Variants in PGS1 observed in about 807,000 individuals in gnomAD.
PGS1 encodes phosphatidylglycerophosphate synthase 1.
In PGS1, 44 loss-of-function variants were observed where a neutral mutation model predicts 58.3. The observed-to-expected ratio is 0.75, with a 90% confidence interval of 0.59 to 0.97. PGS1 has a LOEUF of 0.97. Ranked by LOEUF, PGS1 falls within the 50% of genes least tolerant of loss-of-function variation. The probability of loss-of-function intolerance (pLI) is 0.00; values close to 1 mark genes in which losing one functional copy is unlikely to be tolerated. For missense variants in PGS1, 684 were observed against 731.1 expected (o/e 0.94, Z 0.74); for synonymous variants, 330 against 311.0 (o/e 1.06, Z -0.64).
intron 1 of PGS1, among the ~76,000 whole-genome samples, chr17:78,382,967 G>A (rs1006497876): frequency 9.2e-5 from 14 of 152,112 alleles, no homozygotes; most frequent in African/African-American, 3.1e-4. Flanking sequence ...TTGTTACTTG[G>A]AGTAGATGAG....
chr17:78,394,206 A>G (rs927907689), intron 2 of PGS1, among the ~76,000 whole-genome samples: 9 of 148,896 alleles, frequency 6.0e-5, no homozygotes, highest in Non-Finnish European at 1.2e-4. Flanking sequence ...AAAAGAATGA[A>G]GGTCTGATGG....
intron 2 of PGS1, 103 bp from the exon 3 acceptor site, chr17:78,396,205 G>A: frequency 1.2e-6 from 1 of 816,176 alleles, no homozygotes. Flanking sequence ...ACATAGGATA[G>A]TTCAGCTTGG....
At chr17:78,399,260 A>T (rs920728943) in intron 4 of PGS1, 88 bp from the exon 5 acceptor site, 57 of 1,004,574 alleles carry the variant, frequency 5.7e-5, no homozygotes, top group Non-Finnish European at 8.5e-5. Context: ...GCACAGGTGA[A>T]GGCGAGGCCA....
chr17:78,408,380 AG>A (rs35683208), intron 7 of PGS1, among the ~76,000 whole-genome samples: 25 of 152,276 alleles, frequency 1.6e-4, no homozygotes, highest in African/African-American at 6.0e-4. Flanking sequence ...GCCACAGCTG[AG>A]GGGCCTGGCT....
chr17:78,411,630 G>A (rs958163913), intron 7 of PGS1, among the ~76,000 whole-genome samples: 8 of 152,292 alleles, frequency 5.3e-5, no homozygotes, highest in East Asian at 1.9e-4. Flanking sequence ...CCAGGCTATC[G>A]TTCCTGCTGC....
intron 7 of PGS1, among the ~76,000 whole-genome samples, chr17:78,411,932 A>C (rs1409751358): frequency 4.2e-5 from 1 of 23,730 alleles, no homozygotes; most frequent in African/African-American, 1.4e-4. Flanking sequence ...TTTTTTTTTG[A>C]GATAGGGTTT....
chr17:78,378,795 C>T lies in PGS1; in HGVS notation c.130C>T (p.Arg44Cys), dbSNP rs1187257887. ...CGACCGCCTCGGCAGGAACCGGGAC[C>T]GCCAGCGCAGGAGGTGAGAGGGGCG... ...LSDRLGRNRD[R>C]QRRRSPWLLL... is the part of the protein sequence containing the mutation. Residue 44 changes from arginine (R) to cysteine (C), a missense_variant, in exon 1 of 10, where the codon CGC becomes TGC. By Grantham distance (180) the Arg-to-Cys change is radical. Coordinates refer to ENST00000262764, the MANE Select transcript of PGS1 (RefSeq NM_024419.5). The T allele has an allele frequency of 5.4e-6, 8 of 1,474,120 alleles. No individual in the cohort carries two copies. The South Asian group carries it at 1.0e-4, about 19-fold the overall frequency. The allele number at this position is 1,474,120 out of a possible 1,614,324, so 91.3% of individuals were successfully genotyped here.
Position 78,400,278 on chromosome 17 carries a change from G to A in PGS1, c.702-399G>A, listed in dbSNP as rs1345323542. Among the ~76,000 whole-genome samples, 3 of 152,166 alleles carry A rather than the reference G, an allele frequency of 2.0e-5. No homozygotes were observed. The highest frequency in any genetic ancestry group is 4.2e-4 in the South Asian group (2 of 4,812). ...CACACACCTGTAATCCCAGCTACTC[G>A]GGAGGCTGAGGCAGGAGGATCACTT... is the stretch of plus-strand genomic sequence containing the variant. On this transcript the variant is annotated intron_variant, in intron 5 of 9. Transcript: ENST00000262764. The surrounding 1 kb of genome is among the most constrained non-coding windows in gnomAD (Gnocchi z 4.4).
intron 1 of PGS1, among the ~76,000 whole-genome samples, chr17:78,389,053 C>CTTTTTTTTTTT (rs5822252): frequency 4.2e-5 from 4 of 96,002 alleles, no homozygotes; most frequent in Non-Finnish European, 5.7e-5. Context: ...CCTCTTCTTC[C>CTTTTTTTTTTT]TTTTTTTTTT....
chr17:78,394,171 CCCAAAAAAAAAA>C (rs1448824058), intron 2 of PGS1, among the ~76,000 whole-genome samples: 1 of 27,812 alleles, frequency 3.6e-5, no homozygotes, highest in African/African-American at 1.5e-4. Context: ...GACTCTATCT[CCCAAAAAAAAAA>C]AAAAAAAAAA....
At chr17:78,405,940 G>A (rs2084099267) in intron 7 of PGS1, among the ~76,000 whole-genome samples, 1 of 152,194 alleles carries the variant, frequency 6.6e-6, no homozygotes, top group Non-Finnish European at 1.5e-5. Flanking sequence ...GAGACTCGAG[G>A]CATCTTCCGG....
chr17:78,417,610 C>G (rs1429357246), intron 8 of PGS1, among the ~76,000 whole-genome samples: 1 of 152,152 alleles, frequency 6.6e-6, no homozygotes, highest in Non-Finnish European at 1.5e-5. Flanking sequence ...TGTGTCCTCC[C>G]TCCCGGCCTC....
chr17:78,387,965 C>T (rs1046460502), intron 1 of PGS1, among the ~76,000 whole-genome samples: 1 of 152,118 alleles, frequency 6.6e-6, no homozygotes, highest in African/African-American at 2.4e-5. Context: ...TTGTGGCGAC[C>T]TGTGTAAAAC....
intron 6 of PGS1, among the ~76,000 whole-genome samples, chr17:78,401,507 G>C (rs1285846318): frequency 2.0e-5 from 3 of 152,244 alleles, no homozygotes; most frequent in African/African-American, 7.2e-5. Flanking sequence ...TCCTGCGGCT[G>C]TGGCTCCCCC....
At chr17:78,386,954 G>GTGACGATGATGA (rs2082427073) in intron 1 of PGS1, among the ~76,000 whole-genome samples, 2 of 151,088 alleles carry the variant, frequency 1.3e-5, no homozygotes, top group African/African-American at 2.5e-5. Context: ...GGTGATGATG[G>GTGACGATGATGA]TGATGATGAT....
intron 3 of PGS1, among the ~76,000 whole-genome samples, chr17:78,397,332 G>A (rs4969184): frequency 0.46 from 61,127 of 133,926 alleles, 16,734 homozygotes; most frequent in Admixed American, 0.53. Flanking sequence ...TTCTTGGTCT[G>A]TCCTTGTTCA....
chr17:78,423,879 G>A, intron 9 of PGS1, 182 bp from the exon 10 acceptor site: 2 of 1,612,484 alleles, frequency 1.2e-6, no homozygotes, highest in Admixed American at 1.7e-5. Flanking sequence ...CAGCCCCAGG[G>A]AGTGTGGGCT....
rs577225236 is a variant in PGS1, at chr17:78,395,188, G to A, written c.334-1120G>A. On this transcript the variant is annotated intron_variant, in intron 2 of 9. Coordinates refer to ENST00000262764, the MANE Select transcript of PGS1 (RefSeq NM_024419.5). ...CCCATGTCTTCATTATAGCTGTGGG[G>A]CCTGGTGTCCTGTAGTAAACAGTCA... 1.6e-4 allele frequency among the ~76,000 whole-genome samples: 25 copies of A among 152,324 alleles called. No individual in the cohort carries two copies. In the South Asian group the frequency reaches 5.2e-3, roughly 32 times the overall value.
rs572547320 is a variant in PGS1 at position 78,410,462 on chromosome 17, C to CTTTTTTTT, written c.1403-4395_1403-4388dup. Among the ~76,000 whole-genome samples the CTTTTTTTT allele has an allele frequency of 2.3e-4, 17 of 73,532 alleles. 1 individual carries two copies. The highest frequency in any genetic ancestry group is 9.0e-4 in the African/African-American group (17 of 18,790). 48.2% of individuals were successfully genotyped at this position (73,532 alleles called of 152,430 possible). A position where few individuals can be genotyped will look rare whatever the true frequency, so the allele number is the denominator to read the frequency against. On this transcript the variant is annotated intron_variant, in intron 7 of 9. Transcript: ENST00000262764. ...ATAAAACAAAACCAAAACTTCAGAG[C>CTTTTTTTT]TTTTTTTTTTTTTTTTTTTTTTTTT... is the stretch of plus-strand genomic sequence containing the variant.
Sources: allele counts gnomAD v4.1 joint callset (sites outside exome capture counted in the v4.1 genomes callset), GRCh38; gene constraint gnomAD v4.1.1; non-coding constraint Gnocchi (gnomAD v3.1); transcripts MANE v1.5; gene names NCBI Gene and HGNC (gene_info 2026-07-23, HGNC 2026-07-21).